The following PCTP variants were observed in gnomAD, a reference collection of about 807,000 sequenced individuals.
The protein encoded by PCTP is phosphatidylcholine transfer protein.
Under a neutral mutation model 31.0 loss-of-function variants are expected in PCTP, and 27 were observed. The observed-to-expected ratio is 0.87, with a 90% CI of 0.64 to 1.20. PCTP has a LOEUF of 1.20. Ranked by LOEUF, PCTP falls within the 50% of genes most tolerant of loss-of-function variation. The pLI, the probability that PCTP is intolerant of heterozygous loss-of-function variation, is 0.00. For missense variants in PCTP, 287 were observed against 268.2 expected, an observed-to-expected ratio of 1.07 and a Z score of -0.49; for synonymous variants, 108 against 101.2, an observed-to-expected ratio of 1.07 and a Z score of -0.40.
chr17:55,753,314 CA>C (rs1359497705), intron 1 of PCTP, among the ~76,000 whole-genome samples: 1 of 152,204 alleles, frequency 6.6e-6, no homozygotes, highest in African/African-American at 2.4e-5. Context: ...ATCTGAGAAG[CA>C]GTGATCTTAT....
chr17:55,794,709 T>G (rs952777868), intron 3 of PCTP, among the ~76,000 whole-genome samples: 1 of 151,994 alleles, frequency 6.6e-6, no homozygotes, highest in Non-Finnish European at 1.5e-5. Flanking sequence ...ATAAGTCACA[T>G]TCTTTTATTT....
chr17:55,805,319 C>T lies in PCTP; in HGVS notation c.318-17442C>T, dbSNP rs532084973. On this transcript the variant is annotated intron_variant, in intron 3 of 3. Coordinates refer to the PCTP transcript ENST00000572536. The stretch of plus-strand genomic sequence containing the variant: ...AATATACCCATTACCCAATAGTGAA[C>T]ACTGTACCCAGTAGGCAATTTTTCA... Among the ~76,000 whole-genome samples, 16 of 152,092 alleles carry T rather than the reference C, an allele frequency of 1.1e-4. No homozygotes were observed. In the South Asian group the frequency reaches 2.5e-3, roughly 24 times the overall value.
At chr17:55,752,621 A>G (rs1487520572) in intron 1 of PCTP, among the ~76,000 whole-genome samples, 1 of 152,210 alleles carries the variant, frequency 6.6e-6, no homozygotes, top group African/African-American at 2.4e-5. Context: ...AAAACATGCT[A>G]TTTGGAATAC....
At chr17:55,768,959 A>G (rs1162229896) in intron 2 of PCTP, 1 of 152,250 alleles carries the variant, frequency 6.6e-6, no homozygotes. Context: ...GTGTAAGAAG[A>G]GAAAAAGGAG....
At chr17:55,780,953 C>T (rs528963612), downstream of PCTP, among the ~76,000 whole-genome samples, 91 of 151,926 alleles carry the variant, frequency 6.0e-4, no homozygotes, top group Non-Finnish European at 1.1e-3. Context: ...ATAACTCTGC[C>T]TCCCTTGGAC....
At chr17:55,804,541 G>A (rs1912516083) in intron 3 of PCTP, among the ~76,000 whole-genome samples, 1 of 152,122 alleles carries the variant, frequency 6.6e-6, no homozygotes, top group Non-Finnish European at 1.5e-5. Flanking sequence ...GCCATAAAAA[G>A]GATGAGTTCC....
chr17:55,755,596 AT>A (rs71137172), intron 1 of PCTP, among the ~76,000 whole-genome samples: 172 of 151,486 alleles, frequency 1.1e-3, no homozygotes, highest in African/African-American at 4.1e-3. Context: ...GCTTTTGATA[AT>A]TTTTTTTTGT....
At chr17:55,827,234 A>G (rs1045258478), downstream of PCTP, among the ~76,000 whole-genome samples, 1 of 152,132 alleles carries the variant, frequency 6.6e-6, no homozygotes, top group Non-Finnish European at 1.5e-5. Context: ...GAGGCTTTGC[A>G]TGCTTCTGCC....
chr17:55,809,159 A>G (rs978644883), intron 3 of PCTP, among the ~76,000 whole-genome samples: 1 of 152,220 alleles, frequency 6.6e-6, no homozygotes, highest in Non-Finnish European at 1.5e-5. Flanking sequence ...TCTGACATGA[A>G]AAAATAATAT....
intron 5 of PCTP, among the ~76,000 whole-genome samples, chr17:55,830,151 G>T (rs1905547378): frequency 6.6e-6 from 1 of 152,146 alleles, no homozygotes; most frequent in Non-Finnish European, 1.5e-5. Context: ...CATCCCCAGA[G>T]ATCGCCACTT....
chr17:55,819,832 T>C (rs1292939984), intron 3 of PCTP, among the ~76,000 whole-genome samples: 1 of 152,172 alleles, frequency 6.6e-6, no homozygotes, highest in East Asian at 1.9e-4. Flanking sequence ...TATAAATCAA[T>C]AGAATAGAAT....
At chr17:55,757,144 T>C (rs1322138215) in intron 1 of PCTP, among the ~76,000 whole-genome samples, 1 of 151,686 alleles carries the variant, frequency 6.6e-6, no homozygotes, top group African/African-American at 2.4e-5. Flanking sequence ...TATATATATG[T>C]ACACACACAA....
At chr17:55,831,908 C>T (rs1244920010) in intron 5 of PCTP, among the ~76,000 whole-genome samples, 5 of 152,078 alleles carry the variant, frequency 3.3e-5, no homozygotes, top group East Asian at 1.9e-4. Context: ...AGTGAAACCC[C>T]GTCTCCACTA....
intron 3 of PCTP, among the ~76,000 whole-genome samples, chr17:55,792,179 T>C (rs8074077): frequency 9.4e-6 from 1 of 106,076 alleles, no homozygotes; most frequent in East Asian, 3.3e-4. Context: ...GGGGGGAGGG[T>C]TAGCATTGGG....
At chr17:55,762,087 C>T (rs377485753) in intron 1 of PCTP, among the ~76,000 whole-genome samples, 6 of 152,068 alleles carry the variant, frequency 3.9e-5, no homozygotes, top group South Asian at 2.1e-4. Flanking sequence ...TTAGAAAGAA[C>T]CATATGCGGG....
chr17:55,771,205 C>T lies in PCTP; in HGVS notation c.339+20C>T, dbSNP rs1910987613. On this transcript the variant is annotated intron_variant, in intron 3 of 5. Transcript: ENST00000268896. ...AGAGACGTATCCTTTCCACAAGGTA[C>T]TCATTCCCTGGCCCTCTAAGTGTTT... 6.4e-7 allele frequency: 1 copy of T among 1,570,740 alleles called. No homozygotes were observed. The highest frequency in any genetic ancestry group is 2.2e-5 in the East Asian group (1 of 44,694).
chr17:55,757,447 GACACACAC>G (rs72053094), intron 1 of PCTP, among the ~76,000 whole-genome samples: 13 of 144,926 alleles, frequency 9.0e-5, no homozygotes, highest in African/African-American at 1.8e-4. Flanking sequence ...AGGAAACTGA[GACACACAC>G]ACACACACAC....
At chr17:55,809,863 TTG>T (rs1328722564) in intron 3 of PCTP, among the ~76,000 whole-genome samples, 1 of 152,176 alleles carries the variant, frequency 6.6e-6, no homozygotes, top group East Asian at 1.9e-4. Flanking sequence ...TTTTTGCATT[TTG>T]TGTGTGTGTT....
At position 55,772,747 on chromosome 17, in the gene PCTP, A is replaced by C. The variant is rs139865087; in HGVS notation, c.340-977A>C. On this transcript the variant is annotated intron_variant, in intron 3 of 5. Transcript: ENST00000268896. Reference sequence around the variant, plus strand: ...TTTATGAAAGTGTAACTAACAAACTAAATATCTGAGCTCCATCCAACTATG... The same window carrying C: ...TTTATGAAAGTGTAACTAACAAACTCAATATCTGAGCTCCATCCAACTATG... Among the ~76,000 whole-genome samples, 480 of 152,356 alleles carry C rather than the reference A, an allele frequency of 3.2e-3. 6 individuals carry two copies. Among genetic ancestry groups the C allele is most frequent in the African/African-American group, 0.011 (457 of 41,580 alleles).
Sources: gnomAD v4.1 joint callset for allele counts (sites outside exome capture counted in the v4.1 genomes callset) on GRCh38, gnomAD v4.1.1 for gene constraint, MANE v1.5 for transcripts, NCBI Gene and HGNC (gene_info 2026-07-23, HGNC 2026-07-21) for gene names.